EFCAB5: variants seen among roughly 807,000 people sequenced by gnomAD.
The protein encoded by EFCAB5 is EF-hand calcium-binding domain-containing protein 5.
In EFCAB5, 131 loss-of-function variants were observed where a neutral mutation model predicts 167.9. The ratio of observed to expected loss-of-function variants is 0.78; its 90% confidence interval spans 0.68 to 0.90. The LOEUF is 0.90. Ranked by LOEUF, EFCAB5 falls within the 40% of genes least tolerant of loss-of-function variation. The pLI is 0.00. For synonymous variants in EFCAB5, 574 were observed against 602.8 expected, an observed-to-expected ratio of 0.95 and a Z score of 0.70; for missense variants, 1,663 against 1,745.2, an observed-to-expected ratio of 0.95 and a Z score of 0.84.
At chr17:30,089,979 C>T (rs1046349185) in intron 19 of EFCAB5, among the ~76,000 whole-genome samples, 8 of 152,164 alleles carry the variant, frequency 5.3e-5, no homozygotes, top group Admixed American at 1.3e-4. Flanking sequence ...GTTTCTCCAG[C>T]GAACACTCGC....
chr17:30,059,111 TA>T (rs1355851435), intron 13 of EFCAB5: 1 of 152,244 alleles, frequency 6.6e-6, no homozygotes, highest in Non-Finnish European at 1.5e-5. Context: ...ACACTAATGT[TA>T]ATAAGTTCTG....
intron 3 of EFCAB5, among the ~76,000 whole-genome samples, chr17:29,963,339 T>C (rs2067761105): frequency 6.6e-6 from 1 of 152,212 alleles, no homozygotes; most frequent in Non-Finnish European, 1.5e-5. Context: ...TTTATGAATG[T>C]AATGGATTAC....
intron 1 of EFCAB5, chr17:29,930,317 G>A (rs1294500534): frequency 1.5e-5 from 6 of 391,780 alleles, no homozygotes; most frequent in East Asian, 4.8e-5. Context: ...TTGAGTTGCC[G>A]GAAGCTGGCC....
chr17:29,975,281 C>T (rs1203465752), intron 4 of EFCAB5, among the ~76,000 whole-genome samples: 19 of 148,684 alleles, frequency 1.3e-4, no homozygotes, highest in Admixed American at 8.0e-4. Flanking sequence ...TTTTTTGAGA[C>T]GAAATCTCAC....
intron 8 of EFCAB5, among the ~76,000 whole-genome samples, chr17:30,038,965 G>C (rs1024066557): frequency 6.6e-6 from 1 of 152,128 alleles, no homozygotes; most frequent in Non-Finnish European, 1.5e-5. Flanking sequence ...GACCCACCTG[G>C]TGTGACGAAT....
chr17:30,108,077 A>C lies in EFCAB5; in HGVS notation c.*53A>C. 1 of 1,528,556 alleles carries C rather than the reference A, an allele frequency of 6.5e-7. No individual in the cohort carries two copies. Among genetic ancestry groups the C allele is most frequent in the Non-Finnish European group, 8.7e-7 (1 of 1,143,848 alleles). The allele number at this position is 1,528,556 out of a possible 1,614,324, so 94.7% of individuals were successfully genotyped here. On this transcript the variant is annotated 3_prime_UTR_variant, in exon 23 of 23. Transcript: ENST00000394835. ...TATTTAGGATCCTTTGTTTGTTATC[A>C]GTTTTGTTTGTTAACTATAAAATAT...
chr17:30,042,378 AT>A (rs2069798515), intron 8 of EFCAB5, among the ~76,000 whole-genome samples: 1 of 152,164 alleles, frequency 6.6e-6, no homozygotes. Flanking sequence ...TGCAATATTC[AT>A]TTTATTGCCA....
chr17:30,078,620 A>G, intron 15 of EFCAB5, 116 bp downstream of exon 15: 1 of 1,260,426 alleles, frequency 7.9e-7, no homozygotes, highest in Non-Finnish European at 1.1e-6. Context: ...GTGCTGCTGT[A>G]GATATTTTAT....
chr17:29,997,203 C>G (rs1233724019), intron 6 of EFCAB5, among the ~76,000 whole-genome samples: 2 of 151,090 alleles, frequency 1.3e-5, no homozygotes, highest in African/African-American at 4.9e-5. Context: ...CGAGGTGACG[C>G]CACTGCACTC....
intron 9 of EFCAB5, among the ~76,000 whole-genome samples, chr17:30,052,494 G>A (rs67334353): frequency 0.17 from 25,659 of 152,104 alleles, 2,233 homozygotes; most frequent in African/African-American, 0.23. Context: ...ATTTCTGTGT[G>A]AAGATTTATT....
At chr17:30,012,279 A>G (rs2151684087) in intron 7 of EFCAB5, among the ~76,000 whole-genome samples, 1 of 152,314 alleles carries the variant, frequency 6.6e-6, no homozygotes, top group South Asian at 2.1e-4. Flanking sequence ...GAAGGGGCTG[A>G]CATTAGTCAG....
At chr17:30,069,051 C>T (rs536125760) in intron 14 of EFCAB5, 11 of 1,410,130 alleles carry the variant, frequency 7.8e-6, no homozygotes, top group Non-Finnish European at 1.1e-5. Flanking sequence ...TTGAAGATTA[C>T]TTAAAAAAAG....
chr17:30,048,344 TA>T lies in EFCAB5; in HGVS notation c.1201-2763del, dbSNP rs112459093. ...GAACTTTCCCTGTCTGCCAGAATGTTAAAAAAAAAAATACATAATCATATAA... is the reference window on the plus strand; with the variant it reads ...GAACTTTCCCTGTCTGCCAGAATGTTAAAAAAAAAATACATAATCATATAA... On this transcript the variant is annotated intron_variant, in intron 8 of 22. Coordinates refer to ENST00000394835, the MANE Select transcript of EFCAB5 (RefSeq NM_198529.4). Among the ~76,000 whole-genome samples, 392 of 146,088 alleles carry T rather than the reference TA, an allele frequency of 2.7e-3. 5 individuals carry two copies. The highest frequency in any genetic ancestry group is 0.012 in the South Asian group (55 of 4,624).
chr17:30,000,540 C>T (rs945640438), intron 7 of EFCAB5, among the ~76,000 whole-genome samples: 1 of 152,148 alleles, frequency 6.6e-6, no homozygotes, highest in Non-Finnish European at 1.5e-5. Flanking sequence ...TACTAGAGTC[C>T]TAAGTCTTCC....
Position 29,943,594 on chromosome 17 carries a change from A to G in EFCAB5, c.135A>G (p.Val45=). Residue 45 remains valine (V), a synonymous_variant, in exon 3 of 23, where the codon GTA becomes GTG. Coordinates refer to ENST00000394835, the MANE Select transcript of EFCAB5 (RefSeq NM_198529.4). ...TACAGAGTGTGCCAGACGTTCCTGT[A>G]AAAGAGGACACCAACAGTGTGGTGG... ...ETLQSVPDVP[V]KEDTNSVVEK... 1.3e-6 allele frequency: 2 copies of G among 1,585,830 alleles called. No individual in the cohort carries two copies. Among genetic ancestry groups the G allele is most frequent in the Non-Finnish European group, 1.7e-6 (2 of 1,165,556 alleles).
intron 7 of EFCAB5, among the ~76,000 whole-genome samples, chr17:30,016,532 T>C: frequency 6.6e-6 from 1 of 152,136 alleles, no homozygotes; most frequent in East Asian, 1.9e-4. Flanking sequence ...TCATTATATG[T>C]GTATATTGAA....
chr17:29,943,716 G>A, intron 3 of EFCAB5, 67 bp downstream of exon 3: 22 of 1,416,082 alleles, frequency 1.6e-5, no homozygotes, highest in Non-Finnish European at 2.0e-5. Flanking sequence ...GCTCATGCCT[G>A]TAATTCCAGC....
chr17:30,051,151 C>T lies in EFCAB5; in HGVS notation c.1234C>T (p.Leu412=), dbSNP rs1183399590. 3 of 1,613,812 alleles carry T rather than the reference C, an allele frequency of 1.9e-6. No homozygotes were observed. The highest frequency in any genetic ancestry group is 2.5e-6 in the Non-Finnish European group (3 of 1,179,872). The change falls in exon 9 of 23, where the codon CTG becomes TTG. Residue 412 remains leucine (L), a synonymous_variant. Coordinates refer to ENST00000394835, the MANE Select transcript of EFCAB5 (RefSeq NM_198529.4). ...GFLDRQRTLA[L]LELFYDHSSQ... ...TTTGGATCGGCAGAGGACATTGGCC[C>T]TGCTGGAATTGTTCTATGACCATAG...
intron 7 of EFCAB5, among the ~76,000 whole-genome samples, chr17:30,008,296 A>C (rs1252362196): frequency 6.6e-6 from 1 of 152,186 alleles, no homozygotes; most frequent in Non-Finnish European, 1.5e-5. Flanking sequence ...TAAATGTGAA[A>C]ATTTTATATT....
Sources: allele counts gnomAD v4.1 joint callset (sites outside exome capture counted in the v4.1 genomes callset), GRCh38; gene constraint gnomAD v4.1.1; transcripts MANE v1.5; gene names NCBI Gene and HGNC (gene_info 2026-07-23, HGNC 2026-07-21).